C4orf51: variants seen among roughly 807,000 people sequenced by gnomAD.
C4orf51 encodes chromosome 4 open reading frame 51.
C4orf51 carries 25 observed loss-of-function variants against 25.2 expected under a neutral mutation model. That is an observed-to-expected ratio of 0.99 (90% confidence interval 0.72 to 1.39). The LOEUF (loss-of-function observed/expected upper bound fraction) is 1.39. C4orf51 is among the 40% of genes most tolerant of loss of function. The pLI, the probability that C4orf51 is intolerant of heterozygous loss-of-function variation, is 0.00. For synonymous variants in C4orf51, 100 were observed against 84.5 expected (o/e 1.18, Z -1.01); for missense variants, 252 against 239.6 (o/e 1.05, Z -0.34).
downstream of C4orf51, among the ~76,000 whole-genome samples, chr4:145,735,144 C>G (rs375726917): frequency 5.3e-5 from 8 of 152,060 alleles, no homozygotes; most frequent in African/African-American, 1.9e-4. Flanking sequence ...AGTTCCAGGT[C>G]GGGGATTGCC....
At position 145,761,571 on chromosome 4, in the gene C4orf51, G is replaced by T; in HGVS notation, n.167-9417G>T. The T allele has an allele frequency of 7.8e-7, 1 of 1,273,906 alleles. No individual in the cohort carries two copies. The highest frequency in any genetic ancestry group is 1.0e-6 in the Non-Finnish European group (1 of 977,798). 78.9% of individuals were successfully genotyped at this position (1,273,906 alleles called of 1,614,324 possible). A position where few individuals can be genotyped will look rare whatever the true frequency, so the allele number is the denominator to read the frequency against. On this transcript the variant is annotated intron_variant and non_coding_transcript_variant, in intron 1 of 1. Transcript: ENST00000510096. This position sits in a 1 kb window ranked among gnomAD's most constrained non-coding sequence, Gnocchi z 6.8. ...GGTGGCACTCCATGGCAGCGGGGCGGTTGGTGGAATAAATGCAGAATGGGC... is the reference window on the plus strand; with the variant it reads ...GGTGGCACTCCATGGCAGCGGGGCGTTTGGTGGAATAAATGCAGAATGGGC...
At chr4:145,722,806 C>T (rs1429535476) in intron 2 of C4orf51, among the ~76,000 whole-genome samples, 1 of 152,128 alleles carries the variant, frequency 6.6e-6, no homozygotes, top group East Asian at 1.9e-4. Flanking sequence ...AGCTCCGCCT[C>T]CTGTCAGATC....
At chr4:145,787,952 A>G in the C4orf51 span, among the ~76,000 whole-genome samples, 2 of 152,186 alleles carry the variant, frequency 1.3e-5, no homozygotes, top group Admixed American at 1.3e-4. Flanking sequence ...AGGAATCTTA[A>G]CAATCATTTT....
chr4:145,732,845 GC>G (rs1305222406), downstream of C4orf51: 2 of 223,030 alleles, frequency 9.0e-6, no homozygotes, highest in East Asian at 1.0e-4. Flanking sequence ...TGGTGCTGCG[GC>G]CCCGACCGTC....
chr4:145,783,001 G>A, the C4orf51 span, among the ~76,000 whole-genome samples: 11 of 152,094 alleles, frequency 7.2e-5, no homozygotes, highest in African/African-American at 2.7e-4. Flanking sequence ...CTCTGTCCCA[G>A]GGAACTTTTA....
At chr4:145,701,431 A>C (rs1730434144) in intron 2 of C4orf51, among the ~76,000 whole-genome samples, 1 of 152,034 alleles carries the variant, frequency 6.6e-6, no homozygotes, top group South Asian at 2.1e-4. Flanking sequence ...ATTCCTCCTA[A>C]GCCGTGTCCC....
chr4:145,698,853 C>T (rs571479003), intron 2 of C4orf51, among the ~76,000 whole-genome samples: 9 of 152,318 alleles, frequency 5.9e-5, no homozygotes, highest in African/African-American at 9.6e-5. Flanking sequence ...GCCAAGCCAT[C>T]GCATCCCCTG....
chr4:145,764,794 C>T, intron 1 of C4orf51: 3 of 679,850 alleles, frequency 4.4e-6, no homozygotes, highest in South Asian at 1.8e-5. Flanking sequence ...CTCCTACTGA[C>T]ATCTGTTGAC....
At chr4:145,775,775 C>T, downstream of C4orf51, 2 of 1,614,018 alleles carry the variant, frequency 1.2e-6, no homozygotes, top group Non-Finnish European at 1.7e-6. Context: ...TAGCATGTTC[C>T]ATCTGCAACT....
chr4:145,777,565 T>C, the C4orf51 span, among the ~76,000 whole-genome samples: 2 of 152,356 alleles, frequency 1.3e-5, no homozygotes, highest in African/African-American at 4.8e-5. Flanking sequence ...TTCAGCTTTT[T>C]TTCTTAGAGC....
Position 145,761,326 on chromosome 4 carries a change from C to G in C4orf51, n.167-9662C>G, listed in dbSNP as rs779640560. The G allele has an allele frequency of 3.9e-6, 5 of 1,289,944 alleles. No individual in the cohort carries two copies. Among genetic ancestry groups the G allele is most frequent in the Non-Finnish European group, 4.0e-6 (4 of 988,888 alleles). 79.9% of individuals were successfully genotyped at this position (1,289,944 alleles called of 1,614,324 possible). On this transcript the variant is annotated intron_variant and non_coding_transcript_variant, in intron 1 of 1. Transcript: ENST00000510096. The surrounding 1 kb of genome is among the most constrained non-coding windows in gnomAD (Gnocchi z 6.8). ...CAGGTTGAGATTGTCCTTGCGCTTG[C>G]AGCTGTAGCTGCACTGGTCACAGTG... is the stretch of plus-strand genomic sequence containing the variant.
chr4:145,700,788 T>G (rs1730386823), intron 2 of C4orf51, among the ~76,000 whole-genome samples: 1 of 151,980 alleles, frequency 6.6e-6, no homozygotes, highest in Non-Finnish European at 1.5e-5. Context: ...ACCTCTCCCC[T>G]CCTCGCCAGG....
At chr4:145,718,621 C>T (rs1317503537) in intron 2 of C4orf51, among the ~76,000 whole-genome samples, 1 of 152,242 alleles carries the variant, frequency 6.6e-6, no homozygotes, top group East Asian at 1.9e-4. Flanking sequence ...CATCTTAATG[C>T]ATAAACAGAA....
At chr4:145,728,430 A>C (rs1732234204) in intron 3 of C4orf51, among the ~76,000 whole-genome samples, 1 of 152,170 alleles carries the variant, frequency 6.6e-6, no homozygotes, top group Non-Finnish European at 1.5e-5. Flanking sequence ...TTTATTCATC[A>C]TTCATAGTTC....
intron 2 of C4orf51, among the ~76,000 whole-genome samples, chr4:145,726,427 G>A (rs1350411992): frequency 6.6e-6 from 1 of 151,922 alleles, no homozygotes. Context: ...TTTTGAGACA[G>A]GGTCTTGCTC....
chr4:145,781,195 C>CAAAAAAAAAAAAAAAAAAAAAA, the C4orf51 span, among the ~76,000 whole-genome samples: 82 of 56,530 alleles, frequency 1.5e-3, no homozygotes, highest in Non-Finnish European at 1.8e-3. Flanking sequence ...GACACCATCT[C>CAAAAAAAAAAAAAAAAAAAAAA]AAAAAAAAAA....
intron 1 of C4orf51, among the ~76,000 whole-genome samples, chr4:145,751,135 T>C (rs1733649904): frequency 6.6e-6 from 1 of 152,228 alleles, no homozygotes; most frequent in African/African-American, 2.4e-5. Flanking sequence ...GCTCCAGGAT[T>C]GATCTTGGTG....
At chr4:145,776,825 A>G in the C4orf51 span, among the ~76,000 whole-genome samples, 2 of 152,236 alleles carry the variant, frequency 1.3e-5, no homozygotes, top group African/African-American at 2.4e-5. Flanking sequence ...TTCATTTTAC[A>G]TAAATAAAGA....
At chr4:145,719,767 C>T (rs188025681) in intron 2 of C4orf51, among the ~76,000 whole-genome samples, 5 of 152,294 alleles carry the variant, frequency 3.3e-5, no homozygotes, top group Non-Finnish European at 7.3e-5. Flanking sequence ...TCTCCATCCC[C>T]TACACAGTTT....
Sources: gnomAD v4.1 joint callset for allele counts (sites outside exome capture counted in the v4.1 genomes callset) on GRCh38, gnomAD v4.1.1 for gene constraint, Gnocchi (gnomAD v3.1) non-coding constraint, MANE v1.5 for transcripts, NCBI Gene and HGNC (gene_info 2026-07-23, HGNC 2026-07-21) for gene names.